EIF4G3: variants seen among roughly 807,000 people sequenced by gnomAD.
The protein encoded by EIF4G3 is eukaryotic translation initiation factor 4 gamma 3.
EIF4G3 carries 34 observed loss-of-function variants against 186.4 expected under a neutral mutation model. The observed-to-expected ratio is 0.18, with a 90% CI of 0.14 to 0.24. The LOEUF (loss-of-function observed/expected upper bound fraction) is 0.24, where lower values mean the gene tolerates loss of function less well. Among genes scored for constraint, EIF4G3 ranks in the 10% least tolerant of loss-of-function variants. The pLI, the probability that EIF4G3 is intolerant of heterozygous loss-of-function variation, is 1.00. For missense variants in EIF4G3, 1,536 were observed against 1,948.5 expected, an observed-to-expected ratio of 0.79 and a Z score of 3.99; for synonymous variants, 673 against 679.5, an observed-to-expected ratio of 0.99 and a Z score of 0.15.
At chr1:20,845,078 T>C (rs568703786) in intron 29 of EIF4G3, among the ~76,000 whole-genome samples, 1 of 152,306 alleles carries the variant, frequency 6.6e-6, no homozygotes, top group South Asian at 2.1e-4. Flanking sequence ...TGTGTAAGTT[T>C]TCTTCTTCAT....
intron 2 of EIF4G3, chr1:21,175,021 G>C (rs1400004153): frequency 6.6e-6 from 1 of 152,098 alleles, no homozygotes; most frequent in Non-Finnish European, 1.5e-5. Flanking sequence ...AATAATCTGG[G>C]GACCTCACAG....
chr1:21,144,302 G>A (rs991966705), intron 2 of EIF4G3, among the ~76,000 whole-genome samples: 1 of 152,176 alleles, frequency 6.6e-6, no homozygotes, highest in African/African-American at 2.4e-5. Context: ...AGGCTAAAGT[G>A]CGCTGGCACA....
At position 21,002,812 on chromosome 1, in the gene EIF4G3, T is replaced by C; in HGVS notation, c.-66-4A>G. On this transcript the variant is annotated splice_region_variant and splice_polypyrimidine_tract_variant and intron_variant, in intron 4 of 36. Transcript: ENST00000602326. ...TCTGTCCAGAGGGATAAGGGGTCTG[T>C]CAAAAAATGGCAAGAACAATATAAT... 1.3e-6 allele frequency: 2 copies of C among 1,523,612 alleles called. No homozygotes were observed. The highest frequency in any genetic ancestry group is 2.3e-5 in the East Asian group (1 of 43,874). The allele number at this position is 1,523,612 out of a possible 1,614,324, so 94.4% of individuals were successfully genotyped here. A position where few individuals can be genotyped will look rare whatever the true frequency, so the allele number is the denominator to read the frequency against.
chr1:20,875,696 G>A (rs1188641379), intron 20 of EIF4G3, among the ~76,000 whole-genome samples: 3 of 152,156 alleles, frequency 2.0e-5, no homozygotes, highest in Non-Finnish European at 2.9e-5. Context: ...AAGATTGCTT[G>A]AGCCCAGGAG....
At chr1:20,883,507 C>T (rs2083090302) in intron 19 of EIF4G3, among the ~76,000 whole-genome samples, 1 of 152,000 alleles carries the variant, frequency 6.6e-6, no homozygotes, top group Admixed American at 6.5e-5. Flanking sequence ...ATACCAACTA[C>T]TTGGGAGGTT....
chr1:20,956,647 C>A (rs1246799628), intron 12 of EIF4G3, among the ~76,000 whole-genome samples: 1 of 146,360 alleles, frequency 6.8e-6, no homozygotes, highest in African/African-American at 2.5e-5. Flanking sequence ...ACAAGGAGAG[C>A]ACATCAAACA....
intron 2 of EIF4G3, among the ~76,000 whole-genome samples, chr1:21,140,218 A>G (rs1032041312): frequency 5.9e-5 from 9 of 152,248 alleles, no homozygotes; most frequent in African/African-American, 1.9e-4. Context: ...TGATTTTCCA[A>G]TTGCAAAGAA....
At chr1:20,959,710 T>C (rs1382814243) in intron 12 of EIF4G3, among the ~76,000 whole-genome samples, 1 of 149,936 alleles carries the variant, frequency 6.7e-6, no homozygotes, top group Non-Finnish European at 1.5e-5. Flanking sequence ...CATCAAAAAG[T>C]GGGCAAAGGA....
At chr1:21,106,123 G>C (rs1572635981) in intron 2 of EIF4G3, among the ~76,000 whole-genome samples, 1 of 150,492 alleles carries the variant, frequency 6.6e-6, no homozygotes, top group East Asian at 2.0e-4. Context: ...GTAGCAATTA[G>C]AGTTTGGAAA....
In EIF4G3 at chr1:20,941,740, G is replaced by C. The variant is rs2095723837; in HGVS notation, c.1414C>G (p.Pro472Ala). 1 of 1,610,744 alleles carries C rather than the reference G, an allele frequency of 6.2e-7. No homozygotes were observed. The highest frequency in any genetic ancestry group is 8.5e-7 in the Non-Finnish European group (1 of 1,178,384). ...ITPSTVPSFP[P>A]TPPTPPASPP... The stretch of plus-strand genomic sequence containing the variant: ...GAAGCTGGAGGAGTTGGAGGAGTTG[G>C]AGGAAAGGAAGGAACTGTGGAAGGG... The change falls in exon 14 of 37, where the codon CCA becomes GCA. Residue 472 changes from proline (P) to alanine (A), a missense_variant. Pro to Ala is a conservative substitution (Grantham distance 27). This residue lies in a region of EIF4G3 where 560 missense variants were observed against 547.8 expected (regional missense o/e 1.02). Coordinates refer to ENST00000602326, the MANE Select transcript of EIF4G3 (RefSeq NM_001391906.1).
intron 4 of EIF4G3, among the ~76,000 whole-genome samples, chr1:21,023,021 C>T (rs2091119391): frequency 6.6e-6 from 1 of 152,174 alleles, no homozygotes; most frequent in Admixed American, 6.5e-5. Context: ...AACTTTTACT[C>T]ACATTAGAAT....
intron 2 of EIF4G3, among the ~76,000 whole-genome samples, chr1:21,134,771 A>T (rs1230269522): frequency 6.6e-6 from 1 of 152,204 alleles, no homozygotes; most frequent in Non-Finnish European, 1.5e-5. Flanking sequence ...GTGATCAAGG[A>T]GGGTACATGC....
Position 20,864,727 on chromosome 1 carries a change from G to A in EIF4G3, c.2770-15C>T. ...CTCTCCTCTGGCTGTTGTGTAAGGAGGAATAATAGCATCTTGATGATGAAA... is the reference window on the plus strand; with the variant it reads ...CTCTCCTCTGGCTGTTGTGTAAGGAAGAATAATAGCATCTTGATGATGAAA... On this transcript the variant is annotated splice_polypyrimidine_tract_variant and intron_variant, in intron 21 of 36. Coordinates refer to ENST00000602326, the MANE Select transcript of EIF4G3 (RefSeq NM_001391906.1). 6.3e-7 allele frequency: 1 copy of A among 1,592,550 alleles called. No homozygotes were observed. Among genetic ancestry groups the A allele is most frequent in the Non-Finnish European group, 8.6e-7 (1 of 1,161,648 alleles).
intron 4 of EIF4G3, among the ~76,000 whole-genome samples, chr1:21,039,833 T>TA (rs1217733378): frequency 2.0e-5 from 3 of 152,040 alleles, no homozygotes; most frequent in Non-Finnish European, 4.4e-5. Flanking sequence ...GCAACCCAAT[T>TA]AAAAAATGGG....
At chr1:20,824,711 G>C (rs1571150876) in intron 33 of EIF4G3, among the ~76,000 whole-genome samples, 1 of 152,258 alleles carries the variant, frequency 6.6e-6, no homozygotes, top group East Asian at 1.9e-4. Flanking sequence ...CTATAAGCTT[G>C]TCTCTAATCT....
chr1:21,047,484 A>T (rs1004100607), intron 4 of EIF4G3, among the ~76,000 whole-genome samples: 3 of 152,122 alleles, frequency 2.0e-5, no homozygotes, highest in Admixed American at 6.5e-5. Context: ...AGCTCAGAGG[A>T]ACTTTGTCTA....
intron 14 of EIF4G3, among the ~76,000 whole-genome samples, chr1:20,927,344 A>G (rs538847356): frequency 2.6e-5 from 4 of 152,344 alleles, no homozygotes; most frequent in Admixed American, 1.3e-4. Flanking sequence ...CAAAGCTAGG[A>G]TGAAATAATG....
At chr1:20,863,576 C>T (rs1480407797) in intron 22 of EIF4G3, among the ~76,000 whole-genome samples, 1 of 151,614 alleles carries the variant, frequency 6.6e-6, no homozygotes, top group African/African-American at 2.4e-5. Context: ...TCCCAAGTAG[C>T]TGGGATTACA....
At chr1:20,991,458 C>T (rs2081085195) in intron 7 of EIF4G3, among the ~76,000 whole-genome samples, 1 of 151,986 alleles carries the variant, frequency 6.6e-6, no homozygotes, top group African/African-American at 2.4e-5. Flanking sequence ...GTTCCAGCTA[C>T]TCAGGAGGCG....
Sources: gnomAD v4.1 joint callset for allele counts (sites outside exome capture counted in the v4.1 genomes callset) on GRCh38, gnomAD v4.1.1 for gene constraint, gnomAD v4.1.1 regional missense constraint, MANE v1.5 for transcripts, NCBI Gene and HGNC (gene_info 2026-07-23, HGNC 2026-07-21) for gene names.